The following EPHA4 variants were observed in gnomAD, a reference collection of about 807,000 sequenced individuals.
The protein encoded by EPHA4 is ephrin type-A receptor 4.
A neutral mutation model predicts 108.3 loss-of-function variants in EPHA4; 19 were observed. The ratio of observed to expected loss-of-function variants is 0.18; its 90% CI spans 0.12 to 0.26. EPHA4 has a LOEUF of 0.26. EPHA4 is among the 10% of genes least tolerant of loss of function. The pLI is 1.00. For synonymous variants in EPHA4, 449 were observed against 455.5 expected (o/e 0.99, Z 0.18); for missense variants, 917 against 1,254.0 (o/e 0.73, Z 4.06).
chr2:221,541,913 T>C (rs933532840), intron 3 of EPHA4, among the ~76,000 whole-genome samples: 8 of 152,172 alleles, frequency 5.3e-5, no homozygotes, highest in African/African-American at 1.7e-4. Flanking sequence ...ATTTTCCAAA[T>C]GTTCTACAAT....
At chr2:221,510,514 C>T (rs917879140) in intron 3 of EPHA4, among the ~76,000 whole-genome samples, 15 of 151,704 alleles carry the variant, frequency 9.9e-5, no homozygotes, top group African/African-American at 2.2e-4. Context: ...AAACAGACAA[C>T]GAAAAAAAGT....
rs759060859 is a variant in EPHA4, at chr2:221,436,501, G to A, written c.2244C>T (p.Ala748=). The change falls in exon 13 of 18, where the codon GCC becomes GCT. Residue 748 remains alanine, a synonymous_variant. Coordinates refer to ENST00000281821, the MANE Select transcript of EPHA4 (RefSeq NM_004438.5). ...SDMSYVHRDL[A]ARNILVNSNL... ...TGCTGTTCACCAGGATGTTCCGTGC[G>A]GCCAGATCACGATGCACATAGCTCA... 2.9e-5 allele frequency: 46 copies of A among 1,613,944 alleles called. No individual in the cohort carries two copies. The highest frequency in any genetic ancestry group is 1.1e-4 in the African/African-American group (8 of 74,872).
In EPHA4 at chr2:221,571,229, G is replaced by A. The variant is rs997629881; in HGVS notation, c.91+929C>T. 6.7e-6 allele frequency among the ~76,000 whole-genome samples: 1 copy of A among 149,028 alleles called. No homozygotes were observed. The highest frequency in any genetic ancestry group is 1.5e-5 in the Non-Finnish European group (1 of 67,302). ...CACACATGCAGACATGCACACACAC[G>A]CAGACATGCACACACACACCACACA... On this transcript the variant is annotated intron_variant, in intron 1 of 17. Coordinates refer to ENST00000281821, the MANE Select transcript of EPHA4 (RefSeq NM_004438.5). The surrounding 1 kb of genome is among the most constrained non-coding windows in gnomAD (Gnocchi z 6.3).
intron 5 of EPHA4, among the ~76,000 whole-genome samples, chr2:221,481,014 T>C (rs1408708806): frequency 6.6e-6 from 1 of 152,208 alleles, no homozygotes; most frequent in African/African-American, 2.4e-5. Flanking sequence ...CTATGTTTTC[T>C]ATCCCAAGAG....
intron 3 of EPHA4, among the ~76,000 whole-genome samples, chr2:221,516,209 A>T (rs1692984670): frequency 1.3e-5 from 2 of 152,186 alleles, no homozygotes; most frequent in East Asian, 3.8e-4. Context: ...GGGGACCTGG[A>T]TTCCATTCCT....
intron 5 of EPHA4, among the ~76,000 whole-genome samples, chr2:221,466,400 C>T (rs1009067006): frequency 6.6e-6 from 1 of 152,098 alleles, no homozygotes; most frequent in African/African-American, 2.4e-5. Flanking sequence ...AACTCCTGGG[C>T]AAGGCACTTG....
chr2:221,501,287 G>A (rs921201038), intron 3 of EPHA4, 115 bp from the exon 4 acceptor site: 9 of 913,786 alleles, frequency 9.8e-6, no homozygotes, highest in Non-Finnish European at 1.4e-5. Context: ...CTAATCATTA[G>A]CGATCATGTG....
At chr2:221,552,336 G>C (rs1694185638) in intron 3 of EPHA4, among the ~76,000 whole-genome samples, 1 of 152,040 alleles carries the variant, frequency 6.6e-6, no homozygotes, top group African/African-American at 2.4e-5. Flanking sequence ...TTACATGAAC[G>C]GCTAAAGCTT....
chr2:221,426,266 T>C (rs886207865), intron 16 of EPHA4, 124 bp from the exon 17 acceptor site: 2 of 1,027,722 alleles, frequency 1.9e-6, no homozygotes, highest in Non-Finnish European at 2.9e-6. Context: ...AAGGCAGGTG[T>C]ATTAAAATGT....
intron 8 of EPHA4, among the ~76,000 whole-genome samples, chr2:221,452,020 C>T (rs1357285951): frequency 6.6e-6 from 1 of 152,218 alleles, no homozygotes. Flanking sequence ...AAGATACCAA[C>T]TGTGAGCCTG....
At chr2:221,570,965 G>T (rs76007988) in intron 1 of EPHA4, among the ~76,000 whole-genome samples, 1 of 152,314 alleles carries the variant, frequency 6.6e-6, no homozygotes, top group East Asian at 1.9e-4. Flanking sequence ...AGAAGAATGA[G>T]AGACGGATGT....
At position 221,436,499 on chromosome 2, in the gene EPHA4, G is replaced by A. The variant is rs1340049984; in HGVS notation, c.2246C>T (p.Ala749Val). 6.2e-7 allele frequency: 1 copy of A among 1,614,006 alleles called. No homozygotes were observed. Among genetic ancestry groups the A allele is most frequent in the Non-Finnish European group, 8.5e-7 (1 of 1,180,036 alleles). Reference protein sequence around the residue: ...DMSYVHRDLAARNILVNSNLV... With the variant: ...DMSYVHRDLAVRNILVNSNLV... ...GTTGCTGTTCACCAGGATGTTCCGT[G>A]CGGCCAGATCACGATGCACATAGCT... is the stretch of plus-strand genomic sequence containing the variant. Residue 749 changes from alanine (A) to valine (V), a missense_variant, in exon 13 of 18, where the codon GCA becomes GTA. Transcript: ENST00000281821.
Position 221,482,656 on chromosome 2 carries a change from AT to A in EPHA4, c.1013del (p.Asn338MetfsTer7), listed in dbSNP as rs1691859378. ...CCAAGTTCACAGATGTCTCGTTGACATTTGAAATCAAGTTCAGGGGAGCAGA... is the reference window on the plus strand; with the variant it reads ...CCAAGTTCACAGATGTCTCGTTGACATTGAAATCAAGTTCAGGGGAGCAGA... ...PPSAPLNLIS[N>X]VNETSVNLEW... On this transcript the variant is annotated frameshift_variant, in exon 5 of 18. Transcript: ENST00000281821. LOFTEE classifies it high-confidence loss of function. 1 of 1,601,648 alleles carries A rather than the reference AT, an allele frequency of 6.2e-7. No individual in the cohort carries two copies. Among genetic ancestry groups the A allele is most frequent in the Non-Finnish European group, 8.6e-7 (1 of 1,169,542 alleles).
intron 4 of EPHA4, among the ~76,000 whole-genome samples, chr2:221,500,000 G>A (rs866656217): frequency 1.7e-4 from 25 of 151,356 alleles, no homozygotes; most frequent in East Asian, 1.9e-4. Flanking sequence ...CAGGTGATCC[G>A]TCCACCTCAG....
In EPHA4 at chr2:221,494,342, G is replaced by A. The variant is rs367763973; in HGVS notation, c.979+6675C>T. On this transcript the variant is annotated intron_variant, in intron 4 of 17. Transcript: ENST00000281821. Reference sequence around the variant, plus strand: ...CTTAATGCCGGGTGCAGTGACTCACGCCTGTAATCCCAGCACTCTGGGAGG... The same window carrying A: ...CTTAATGCCGGGTGCAGTGACTCACACCTGTAATCCCAGCACTCTGGGAGG... Among the ~76,000 whole-genome samples the A allele has an allele frequency of 9.2e-5, 14 of 152,320 alleles. No individual in the cohort carries two copies. The East Asian group carries it at 1.4e-3, about 15-fold the overall frequency.
At chr2:221,445,295 A>G (rs1466019971) in intron 9 of EPHA4, among the ~76,000 whole-genome samples, 2 of 152,106 alleles carry the variant, frequency 1.3e-5, no homozygotes, top group Admixed American at 6.6e-5. Flanking sequence ...TGTCCATTTA[A>G]AAGTCTTCTA....
chr2:221,571,901 T>C lies in EPHA4; in HGVS notation c.91+257A>G, dbSNP rs1193546490. Among the ~76,000 whole-genome samples, 2 of 152,186 alleles carry C rather than the reference T, an allele frequency of 1.3e-5. No homozygotes were observed. The highest frequency in any genetic ancestry group is 4.8e-5 in the African/African-American group (2 of 41,452). On this transcript the variant is annotated intron_variant, in intron 1 of 17. Coordinates refer to ENST00000281821, the MANE Select transcript of EPHA4 (RefSeq NM_004438.5). This position sits in a 1 kb window ranked among gnomAD's most constrained non-coding sequence, Gnocchi z 6.3. The stretch of plus-strand genomic sequence containing the variant: ...GCCTCGAGCGGGCCTCTCTGGCGGA[T>C]GCTGATAAACTTTGGCCTTTGGTTA...
intron 5 of EPHA4, among the ~76,000 whole-genome samples, chr2:221,460,663 A>T (rs1252572692): frequency 2.0e-5 from 3 of 152,228 alleles, no homozygotes; most frequent in Non-Finnish European, 4.4e-5. Flanking sequence ...TCTCCACATC[A>T]TAAGCCACAT....
At chr2:221,551,534 T>C (rs1694161580) in intron 3 of EPHA4, among the ~76,000 whole-genome samples, 1 of 152,112 alleles carries the variant, frequency 6.6e-6, no homozygotes, top group Admixed American at 6.5e-5. Flanking sequence ...TTTTAAAAAG[T>C]TTTAGTACAA....
Sources: allele counts gnomAD v4.1 joint callset (sites outside exome capture counted in the v4.1 genomes callset), GRCh38; gene constraint gnomAD v4.1.1; non-coding constraint Gnocchi (gnomAD v3.1); transcripts MANE v1.5; gene names NCBI Gene and HGNC (gene_info 2026-07-23, HGNC 2026-07-21).